CSMD1: variants seen among roughly 807,000 people sequenced by gnomAD.
CSMD1 encodes CUB and Sushi multiple domains 1.
CSMD1 carries 213 observed loss-of-function variants against 417.5 expected under a neutral mutation model. The observed-to-expected ratio is 0.51, with a 90% confidence interval of 0.46 to 0.57. The LOEUF is 0.57. Ranked by LOEUF, CSMD1 falls within the 20% of genes least tolerant of loss-of-function variation. The probability of loss-of-function intolerance (pLI) is 0.00; values close to 1 mark genes in which losing one functional copy is unlikely to be tolerated. For missense variants in CSMD1, 6,923 were observed against 4,529.7 expected (o/e 1.53, Z -15.17); for synonymous variants, 2,862 against 1,736.8 (o/e 1.65, Z -16.11).
chr8:4,336,277 A>G (rs116050852), intron 3 of CSMD1, among the ~76,000 whole-genome samples: 2,046 of 152,256 alleles, frequency 0.013, 54 homozygotes, highest in African/African-American at 0.047. Flanking sequence ...ACAGTATTTT[A>G]TGTCAGAAGC....
intron 1 of CSMD1, among the ~76,000 whole-genome samples, chr8:4,959,086 T>C (rs1271695078): frequency 6.6e-6 from 1 of 152,130 alleles, no homozygotes; most frequent in Non-Finnish European, 1.5e-5. Flanking sequence ...TAGAGGGAAA[T>C]AGTTTAGTCT....
chr8:3,049,575 T>C (rs577438917), intron 50 of CSMD1, among the ~76,000 whole-genome samples: 8 of 152,086 alleles, frequency 5.3e-5, no homozygotes, highest in African/African-American at 1.9e-4. Flanking sequence ...TGTCAGGGGT[T>C]GGATGCAGGA....
intron 1 of CSMD1, among the ~76,000 whole-genome samples, chr8:4,688,731 C>T (rs891205653): frequency 1.3e-5 from 2 of 152,040 alleles, no homozygotes; most frequent in Non-Finnish European, 2.9e-5. Flanking sequence ...ATCTCATTAC[C>T]TCATGCAGTG....
intron 12 of CSMD1, among the ~76,000 whole-genome samples, chr8:3,440,264 G>T (rs1042525344): frequency 6.6e-6 from 1 of 152,154 alleles, no homozygotes; most frequent in East Asian, 1.9e-4. Context: ...TTTACTCTGA[G>T]TGTCCCAATA....
chr8:3,293,561 CTTCATTTCA>C (rs1803738927), intron 25 of CSMD1, among the ~76,000 whole-genome samples: 1 of 152,080 alleles, frequency 6.6e-6, no homozygotes, highest in Admixed American at 6.6e-5. Context: ...TCTCTTCTTG[CTTCATTTCA>C]TTCATTTCAT....
Position 4,721,229 on chromosome 8 carries a change from G to T in CSMD1, c.86-83671C>A, listed in dbSNP as rs529043204. ...TGTAATTTACTGAAACATAGGAATT[G>T]TGTTTTCCTCATCCATATTTCCTCA... is the stretch of plus-strand genomic sequence containing the variant. On this transcript the variant is annotated intron_variant, in intron 1 of 69. Transcript: ENST00000635120. Among the ~76,000 whole-genome samples, 3 of 152,230 alleles carry T rather than the reference G, an allele frequency of 2.0e-5. No homozygotes were observed. In the South Asian group the frequency reaches 6.2e-4, roughly 32 times the overall value.
intron 7 of CSMD1, among the ~76,000 whole-genome samples, chr8:3,699,944 TGGG>T (rs1800761530): frequency 6.6e-6 from 1 of 151,494 alleles, no homozygotes; most frequent in African/African-American, 2.4e-5. Flanking sequence ...ACTACATCCC[TGGG>T]TTATATCCCA....
chr8:4,695,643 A>G (rs1447913777), intron 1 of CSMD1, among the ~76,000 whole-genome samples: 2 of 152,072 alleles, frequency 1.3e-5, no homozygotes, highest in East Asian at 3.9e-4. Flanking sequence ...CCAAAGAGAG[A>G]GGTGCATTTG....
chr8:3,306,433 C>A (rs967068598), intron 25 of CSMD1, among the ~76,000 whole-genome samples: 1 of 152,092 alleles, frequency 6.6e-6, no homozygotes, highest in Non-Finnish European at 1.5e-5. Context: ...CTCGGCCTCC[C>A]AAAGTGTTAG....
chr8:4,941,684 G>A (rs1053962410), intron 1 of CSMD1, among the ~76,000 whole-genome samples: 2 of 151,540 alleles, frequency 1.3e-5, no homozygotes, highest in African/African-American at 2.4e-5. Context: ...CTGCAGCCTC[G>A]ATCCCTCTAG....
chr8:3,916,984 G>A (rs572511606), intron 5 of CSMD1, among the ~76,000 whole-genome samples: 2 of 152,176 alleles, frequency 1.3e-5, no homozygotes, highest in South Asian at 4.2e-4. Flanking sequence ...AGGCAAAATG[G>A]TGAAACTCCA....
chr8:3,670,411 G>C (rs1798927069), intron 7 of CSMD1, among the ~76,000 whole-genome samples: 1 of 150,960 alleles, frequency 6.6e-6, no homozygotes, highest in South Asian at 2.1e-4. Context: ...TTGTGAACAT[G>C]TGAGTTAAAA....
intron 1 of CSMD1, among the ~76,000 whole-genome samples, chr8:4,806,539 C>A (rs1798598525): frequency 6.6e-6 from 1 of 152,158 alleles, no homozygotes; most frequent in Non-Finnish European, 1.5e-5. Flanking sequence ...TGCCACCGTG[C>A]TACTAGCATA....
chr8:4,007,540 C>T (rs1816219717), intron 4 of CSMD1, among the ~76,000 whole-genome samples: 1 of 152,166 alleles, frequency 6.6e-6, no homozygotes, highest in Non-Finnish European at 1.5e-5. Flanking sequence ...AGATTGCTTC[C>T]CACCTCTCCA....
intron 3 of CSMD1, among the ~76,000 whole-genome samples, chr8:4,322,630 T>A (rs1799334799): frequency 6.6e-6 from 1 of 152,118 alleles, no homozygotes; most frequent in Admixed American, 6.5e-5. Flanking sequence ...CTGGACATAT[T>A]TGAGAAAAAT....
At chr8:4,709,254 G>A (rs541765925) in intron 1 of CSMD1, among the ~76,000 whole-genome samples, 3 of 152,310 alleles carry the variant, frequency 2.0e-5, no homozygotes, top group South Asian at 2.1e-4. Flanking sequence ...GGTGTGGGGA[G>A]TAGAGTTAAA....
intron 12 of CSMD1, among the ~76,000 whole-genome samples, chr8:3,416,284 C>A (rs1276533082): frequency 8.6e-6 from 1 of 116,010 alleles, no homozygotes; most frequent in East Asian, 2.6e-4. Flanking sequence ...GCCTGAGCCA[C>A]AGAGCCAGAC....
chr8:4,168,501 C>A (rs114789540), intron 3 of CSMD1, among the ~76,000 whole-genome samples: 1 of 152,002 alleles, frequency 6.6e-6, no homozygotes, highest in East Asian at 1.9e-4. Context: ...AGGGCTCTAA[C>A]ATGCAACACT....
At chr8:4,646,038 G>T (rs990096143) in intron 1 of CSMD1, among the ~76,000 whole-genome samples, 2 of 152,124 alleles carry the variant, frequency 1.3e-5, no homozygotes, top group Non-Finnish European at 2.9e-5. Flanking sequence ...CGATGTTTTG[G>T]AAATAAACGA....
Sources: gnomAD v4.1 joint callset for allele counts (sites outside exome capture counted in the v4.1 genomes callset) on GRCh38, gnomAD v4.1.1 for gene constraint, MANE v1.5 for transcripts, NCBI Gene and HGNC (gene_info 2026-07-23, HGNC 2026-07-21) for gene names.